Variants in CNOT6 observed in about 807,000 individuals in gnomAD.
CNOT6 encodes carbon catabolite repression 4 protein.
Under a neutral mutation model 61.2 loss-of-function variants are expected in CNOT6, and 12 were observed. That is an observed-to-expected ratio of 0.20 (90% CI 0.13 to 0.32). CNOT6 has a LOEUF of 0.32. Ranked by LOEUF, CNOT6 falls within the 10% of genes least tolerant of loss-of-function variation. The pLI is 1.00. For synonymous variants in CNOT6, 225 were observed against 240.6 expected, an observed-to-expected ratio of 0.94 and a Z score of 0.60; for missense variants, 405 against 663.9, an observed-to-expected ratio of 0.61 and a Z score of 4.28.
chr5:180,498,842 T>C (rs1235861431), intron 1 of CNOT6, among the ~76,000 whole-genome samples: 2 of 152,194 alleles, frequency 1.3e-5, no homozygotes, highest in Non-Finnish European at 2.9e-5. Context: ...TCACTTGGAG[T>C]GCGGTGGCGC....
chr5:180,516,894 C>T (rs575318844), intron 1 of CNOT6, among the ~76,000 whole-genome samples: 1 of 152,270 alleles, frequency 6.6e-6, no homozygotes, highest in South Asian at 2.1e-4. Context: ...TGGCCAGTTC[C>T]TCTAGTTTTC....
chr5:180,508,590 G>T (rs1422644783), intron 1 of CNOT6, among the ~76,000 whole-genome samples: 1 of 152,020 alleles, frequency 6.6e-6, no homozygotes, highest in Non-Finnish European at 1.5e-5. Context: ...GATTACAGGT[G>T]TGAGCTACCA....
At chr5:180,539,942 G>T (rs543072244) in intron 2 of CNOT6, among the ~76,000 whole-genome samples, 68 of 152,300 alleles carry the variant, frequency 4.5e-4, no homozygotes, top group African/African-American at 1.5e-3. Context: ...GTGACTCAGG[G>T]TAGTTGTACT....
chr5:180,566,050 C>G (rs754781185), intron 7 of CNOT6, 73 bp downstream of exon 7: 1 of 1,376,280 alleles, frequency 7.3e-7, no homozygotes, highest in Non-Finnish European at 9.9e-7. Context: ...TACGCTGACA[C>G]ATTTGAAGTT....
chr5:180,558,343 G>A (rs949053037), intron 4 of CNOT6, among the ~76,000 whole-genome samples: 4 of 152,136 alleles, frequency 2.6e-5, no homozygotes, highest in African/African-American at 7.2e-5. Flanking sequence ...TCTGGTGCAG[G>A]ATCCATGCCA....
At chr5:180,550,473 A>G (rs992190025) in intron 3 of CNOT6, among the ~76,000 whole-genome samples, 8 of 152,104 alleles carry the variant, frequency 5.3e-5, no homozygotes, top group African/African-American at 1.9e-4. Context: ...ACAAAAAAAC[A>G]TTTGTTGTGT....
intron 2 of CNOT6, among the ~76,000 whole-genome samples, chr5:180,538,665 G>A (rs928466837): frequency 6.9e-6 from 1 of 144,130 alleles, no homozygotes; most frequent in East Asian, 2.3e-4. Flanking sequence ...GCGACAGAGC[G>A]AGACTCTGTC....
At chr5:180,531,281 C>T (rs1194998522) in intron 2 of CNOT6, among the ~76,000 whole-genome samples, 3 of 148,846 alleles carry the variant, frequency 2.0e-5, no homozygotes, top group Non-Finnish European at 4.4e-5. Flanking sequence ...GGTGGCCGGT[C>T]AGAGACGCTT....
chr5:180,513,277 C>T (rs992669969), intron 1 of CNOT6, among the ~76,000 whole-genome samples: 4 of 152,190 alleles, frequency 2.6e-5, no homozygotes, highest in African/African-American at 7.2e-5. Flanking sequence ...GCAGCCTCCA[C>T]CTCCCAGTCT....
At chr5:180,508,586 A>T (rs1369440066) in intron 1 of CNOT6, among the ~76,000 whole-genome samples, 1 of 152,102 alleles carries the variant, frequency 6.6e-6, no homozygotes, top group Non-Finnish European at 1.5e-5. Flanking sequence ...CTGGGATTAC[A>T]GGTGTGAGCT....
chr5:180,526,647 C>A (rs1055648670), intron 1 of CNOT6, among the ~76,000 whole-genome samples: 1 of 152,128 alleles, frequency 6.6e-6, no homozygotes, highest in African/African-American at 2.4e-5. Flanking sequence ...CTGACTGGCT[C>A]ACTTTAAACT....
intron 3 of CNOT6, among the ~76,000 whole-genome samples, 194 bp downstream of exon 3, chr5:180,550,311 C>T (rs998812082): frequency 6.6e-6 from 1 of 151,886 alleles, no homozygotes; most frequent in African/African-American, 2.4e-5. Flanking sequence ...ATTAGCCAGG[C>T]GTGGTGGCGG....
At chr5:180,505,228 G>A (rs1757071535) in intron 1 of CNOT6, among the ~76,000 whole-genome samples, 1 of 148,116 alleles carries the variant, frequency 6.8e-6, no homozygotes, top group Admixed American at 6.8e-5. Context: ...CTAAAGTACT[G>A]GGATTACAGG....
At chr5:180,502,394 T>G (rs1756904260) in intron 1 of CNOT6, among the ~76,000 whole-genome samples, 1 of 152,232 alleles carries the variant, frequency 6.6e-6, no homozygotes, top group African/African-American at 2.4e-5. Flanking sequence ...TCATTAGCGG[T>G]AGAGATTATC....
At chr5:180,553,663 T>G (rs757016885) in intron 4 of CNOT6, among the ~76,000 whole-genome samples, 192 bp downstream of exon 4, 35 of 144,000 alleles carry the variant, frequency 2.4e-4, no homozygotes, top group Admixed American at 9.6e-4. Flanking sequence ...TTTGTTTTCT[T>G]TTTTTTTGCT....
At chr5:180,556,796 C>G (rs972620351) in intron 4 of CNOT6, among the ~76,000 whole-genome samples, 14 of 152,060 alleles carry the variant, frequency 9.2e-5, no homozygotes, top group African/African-American at 3.4e-4. Context: ...ACTAAAAATA[C>G]AAAAACAAAA....
chr5:180,546,670 A>C (rs569313954), intron 2 of CNOT6, among the ~76,000 whole-genome samples: 2 of 152,304 alleles, frequency 1.3e-5, no homozygotes, highest in African/African-American at 4.8e-5. Flanking sequence ...ATACATACCC[A>C]CGTATTCACT....
rs1176729797 is a variant in CNOT6 at position 180,571,391 on chromosome 5, A to T, written c.1420A>T (p.Ser474Cys). The T allele has an allele frequency of 6.2e-7, 1 of 1,614,060 alleles. No homozygotes were observed. The highest frequency in any genetic ancestry group is 1.3e-5 in the African/African-American group (1 of 74,938). Reference protein sequence around the residue: ...HGFKLQSAYESGLMPYTNYTF... With the variant: ...HGFKLQSAYECGLMPYTNYTF... ...TTTCAAGTTACAGAGTGCCTATGAG[A>T]GTGGCCTGATGCCTTACACGAATTA... The change falls in exon 11 of 12, where the codon AGT (serine) becomes TGT (cysteine). Residue 474 changes from serine to cysteine, a missense_variant. Ser to Cys is a moderately radical substitution (Grantham distance 112). Transcript: ENST00000261951.
chr5:180,537,696 A>G (rs1378666346), intron 2 of CNOT6, among the ~76,000 whole-genome samples: 1 of 152,134 alleles, frequency 6.6e-6, no homozygotes, highest in African/African-American at 2.4e-5. Flanking sequence ...CATATCTGTG[A>G]ACATAGAATA....
Sources: allele counts gnomAD v4.1 joint callset (sites outside exome capture counted in the v4.1 genomes callset), GRCh38; gene constraint gnomAD v4.1.1; transcripts MANE v1.5; gene names NCBI Gene and HGNC (gene_info 2026-07-23, HGNC 2026-07-21).